The following FAM222A variants were observed in gnomAD, a reference collection of about 807,000 sequenced individuals.
FAM222A encodes the protein family with sequence similarity 222 member A, also known as protein FAM222A.
A neutral mutation model predicts 25.8 loss-of-function variants in FAM222A; 7 were observed. The observed-to-expected ratio is 0.27, with a 90% CI of 0.15 to 0.51. The LOEUF is 0.51. Ranked by LOEUF, FAM222A falls within the 20% of genes least tolerant of loss-of-function variation. The pLI, the probability that FAM222A is intolerant of heterozygous loss-of-function variation, is 0.97. For synonymous variants in FAM222A, 294 were observed against 298.8 expected (o/e 0.98, Z 0.17); for missense variants, 573 against 640.5 (o/e 0.89, Z 1.14).
chr12:109,720,249 G>A, intron 1 of FAM222A: 1 of 936,170 alleles, frequency 1.1e-6, no homozygotes, highest in African/African-American at 1.8e-5. Context: ...GGAGGTCAGG[G>A]GGTGAGGCCG....
chr12:109,742,632 C>T (rs1265644280), intron 1 of FAM222A, among the ~76,000 whole-genome samples: 1 of 137,578 alleles, frequency 7.3e-6, no homozygotes, highest in African/African-American at 2.7e-5. Flanking sequence ...TTTCTTGAGA[C>T]AGTAATAGGA....
chr12:109,754,376 GA>G (rs918271240), intron 2 of FAM222A, among the ~76,000 whole-genome samples: 2 of 147,034 alleles, frequency 1.4e-5, no homozygotes, highest in South Asian at 2.2e-4. Context: ...TCTAAAAAAA[GA>G]AAAAAAAAAG....
chr12:109,720,951 C>A (rs1045075251), intron 1 of FAM222A, among the ~76,000 whole-genome samples: 1 of 152,202 alleles, frequency 6.6e-6, no homozygotes, highest in Non-Finnish European at 1.5e-5. Context: ...GAAACAATTA[C>A]TTCTGGCTGG....
In FAM222A at chr12:109,768,556, G is replaced by C. The variant is rs958445070; in HGVS notation, c.627G>C (p.Gln209His). The change falls in exon 3 of 3, where the codon CAG (glutamine) becomes CAC (histidine). Residue 209 changes from glutamine (Q) to histidine (H), a missense_variant. Transcript: ENST00000538780. ...GCCTCCTGTACCAGCTCAACCAGCA[G>C]TGCCAGGCCCCGGGCGCCGCACCCC... ...IHSLLYQLNQQCQAPGAAPPA... is the reference protein window; with the variant it reads ...IHSLLYQLNQHCQAPGAAPPA... 4 of 1,602,634 alleles carry C rather than the reference G, an allele frequency of 2.5e-6. No individual in the cohort carries two copies. The highest frequency in any genetic ancestry group is 3.4e-6 in the Non-Finnish European group (4 of 1,175,544).
intron 1 of FAM222A, among the ~76,000 whole-genome samples, chr12:109,741,302 T>C (rs1248873064): frequency 6.6e-6 from 1 of 152,134 alleles, no homozygotes; most frequent in Non-Finnish European, 1.5e-5. Context: ...GAAGAGCATC[T>C]CTCAGGCTGC....
chr12:109,727,125 C>T (rs1456375746), intron 1 of FAM222A, among the ~76,000 whole-genome samples: 1 of 152,016 alleles, frequency 6.6e-6, no homozygotes, highest in African/African-American at 2.4e-5. Flanking sequence ...ACCTTACACC[C>T]CCTCCCCAGG....
chr12:109,728,142 C>T (rs1887877053), intron 1 of FAM222A, among the ~76,000 whole-genome samples: 1 of 152,188 alleles, frequency 6.6e-6, no homozygotes, highest in Admixed American at 6.5e-5. Context: ...TGGGGTTTCC[C>T]AGCATTCCTG....
intron 2 of FAM222A, among the ~76,000 whole-genome samples, chr12:109,767,199 T>C (rs1889078584): frequency 6.7e-6 from 1 of 148,176 alleles, no homozygotes; most frequent in African/African-American, 2.5e-5. Context: ...GTGAGCCACC[T>C]CACCCAGCTA....
intron 2 of FAM222A, among the ~76,000 whole-genome samples, chr12:109,746,677 A>G (rs375795876): frequency 5.7e-4 from 87 of 152,324 alleles, no homozygotes; most frequent in African/African-American, 2.0e-3. Flanking sequence ...GTACAATTCA[A>G]TGATTTTTAG....
chr12:109,753,595 C>T (rs952662679), intron 2 of FAM222A, among the ~76,000 whole-genome samples: 1 of 152,020 alleles, frequency 6.6e-6, no homozygotes, highest in African/African-American at 2.4e-5. Flanking sequence ...TCCATACCCA[C>T]AAGGGGGCAA....
intron 1 of FAM222A, among the ~76,000 whole-genome samples, chr12:109,739,304 G>A (rs961379213): frequency 2.0e-5 from 3 of 152,254 alleles, no homozygotes; most frequent in Admixed American, 6.5e-5. Context: ...AAATGCTGGA[G>A]GCAGAGAGAG....
At chr12:109,762,717 CACCTCCATTGCT>C (rs1888934637) in intron 2 of FAM222A, among the ~76,000 whole-genome samples, 1 of 152,244 alleles carries the variant, frequency 6.6e-6, no homozygotes, top group African/African-American at 2.4e-5. Flanking sequence ...GACCCCAAGC[CACCTCCATTGCT>C]ACTCTGGTGG....
intron 2 of FAM222A, among the ~76,000 whole-genome samples, chr12:109,755,287 CTTT>C (rs540689300): frequency 2.0e-5 from 1 of 49,426 alleles, no homozygotes; most frequent in African/African-American, 8.9e-5. Context: ...TGTAATTCTT[CTTT>C]TTTTTTTTTT....
At chr12:109,758,120 T>C (rs1409049659) in intron 2 of FAM222A, among the ~76,000 whole-genome samples, 1 of 152,198 alleles carries the variant, frequency 6.6e-6, no homozygotes, top group Non-Finnish European at 1.5e-5. Flanking sequence ...TGTGGATAAA[T>C]GTGTGCCCGG....
At chr12:109,730,490 C>T (rs1887927331) in intron 1 of FAM222A, among the ~76,000 whole-genome samples, 1 of 152,092 alleles carries the variant, frequency 6.6e-6, no homozygotes, top group South Asian at 2.1e-4. Context: ...CCTGTTGGTG[C>T]CTTTGCGCTC....
intron 1 of FAM222A, among the ~76,000 whole-genome samples, chr12:109,722,983 C>G (rs1887775272): frequency 1.4e-5 from 2 of 144,790 alleles, no homozygotes; most frequent in South Asian, 4.5e-4. Context: ...CTTTTCTTTC[C>G]CAGCTTGGAG....
In FAM222A at chr12:109,769,356, G is replaced by T; in HGVS notation, c.*68G>T. 2 of 1,485,728 alleles carry T rather than the reference G, an allele frequency of 1.3e-6. No homozygotes were observed. Among genetic ancestry groups the T allele is most frequent in the South Asian group, 2.7e-5 (2 of 74,352 alleles). The allele number at this position is 1,485,728 out of a possible 1,614,324, so 92.0% of individuals were successfully genotyped here. On this transcript the variant is annotated 3_prime_UTR_variant, in exon 3 of 3. Coordinates refer to ENST00000538780, the MANE Select transcript of FAM222A (RefSeq NM_032829.3). The stretch of plus-strand genomic sequence containing the variant: ...GCCGGGAGGCAGGCCGCAGAACAGG[G>T]TGGGCGGCTCGCAGGGGCGCTCAGC...
chr12:109,727,871 C>G (rs1207391680), intron 1 of FAM222A, among the ~76,000 whole-genome samples: 1 of 152,174 alleles, frequency 6.6e-6, no homozygotes, highest in African/African-American at 2.4e-5. Flanking sequence ...CTTCAGGTGT[C>G]TCTGTTCCCT....
chr12:109,737,169 T>G (rs561855692), intron 1 of FAM222A, among the ~76,000 whole-genome samples: 28 of 152,122 alleles, frequency 1.8e-4, no homozygotes, highest in African/African-American at 6.5e-4. Context: ...CAGAAAGGGC[T>G]TTTGAGCAGT....
Sources: gnomAD v4.1 joint callset for allele counts (sites outside exome capture counted in the v4.1 genomes callset) on GRCh38, gnomAD v4.1.1 for gene constraint, MANE v1.5 for transcripts, NCBI Gene and HGNC (gene_info 2026-07-23, HGNC 2026-07-21) for gene names.